PKD2L1: variants seen among roughly 807,000 people sequenced by gnomAD.
PKD2L1 encodes the protein polycystin-2-like protein 1.
A neutral mutation model predicts 93.0 loss-of-function variants in PKD2L1; 77 were observed. The ratio of observed to expected loss-of-function variants is 0.83; its 90% CI spans 0.69 to 1.00. The LOEUF (loss-of-function observed/expected upper bound fraction) is 1.00. PKD2L1 is among the 50% of genes least tolerant of loss of function. PKD2L1 has a pLI of 0.00. For missense variants in PKD2L1, 977 were observed against 990.9 expected, an observed-to-expected ratio of 0.99 and a Z score of 0.19; for synonymous variants, 390 against 388.0, an observed-to-expected ratio of 1.01 and a Z score of -0.06.
At chr10:100,299,024 C>T (rs993422401) in intron 3 of PKD2L1, among the ~76,000 whole-genome samples, 3 of 151,778 alleles carry the variant, frequency 2.0e-5, no homozygotes, top group African/African-American at 4.8e-5. Context: ...CTCGGCTCAC[C>T]GCAACCTCTG....
chr10:100,326,518 C>T (rs1016307377), intron 2 of PKD2L1, among the ~76,000 whole-genome samples: 15 of 152,206 alleles, frequency 9.9e-5, no homozygotes, highest in Non-Finnish European at 1.9e-4. Flanking sequence ...TCACAGATCC[C>T]CCAAATCTGG....
At chr10:100,299,025 G>A (rs111737991) in intron 3 of PKD2L1, among the ~76,000 whole-genome samples, 8 of 105,220 alleles carry the variant, frequency 7.6e-5, no homozygotes, top group Non-Finnish European at 1.3e-4. Flanking sequence ...TCGGCTCACC[G>A]CAACCTCTGC....
chr10:100,290,337 C>T, intron 13 of PKD2L1, 64 bp downstream of exon 13: 2 of 1,307,002 alleles, frequency 1.5e-6, no homozygotes, highest in South Asian at 2.4e-5. Context: ...GGGAAAAGTA[C>T]AAGACAGGGT....
chr10:100,302,236 TACAC>T (rs371466280), intron 2 of PKD2L1, among the ~76,000 whole-genome samples: 1 of 120,572 alleles, frequency 8.3e-6, no homozygotes, highest in Non-Finnish European at 1.7e-5. Flanking sequence ...TATTCATGCA[TACAC>T]ACACACACAC....
chr10:100,305,231 G>A (rs924419681), intron 2 of PKD2L1, among the ~76,000 whole-genome samples: 2 of 151,470 alleles, frequency 1.3e-5, no homozygotes, highest in Non-Finnish European at 2.9e-5. Context: ...CCTGCCTCAG[G>A]CTCCTGAGTA....
chr10:100,293,093 C>T (rs762034309), intron 10 of PKD2L1, 24 bp from the exon 11 acceptor site: 2 of 1,610,422 alleles, frequency 1.2e-6, no homozygotes, highest in Non-Finnish European at 1.7e-6. Flanking sequence ...GAAATAGGCA[C>T]AAGTTCTCAC....
Position 100,295,073 on chromosome 10 carries a change from C to T in PKD2L1, c.1407G>A (p.Thr469=), listed in dbSNP as rs531470373. 116 of 1,614,038 alleles carry T rather than the reference C, an allele frequency of 7.2e-5. No individual in the cohort carries two copies. Among genetic ancestry groups the T allele is most frequent in the East Asian group, 2.7e-4 (12 of 44,888 alleles). The change falls in exon 8 of 16, where the codon ACG becomes ACA. Residue 469 remains threonine, a synonymous_variant. Coordinates refer to ENST00000318222, the MANE Select transcript of PKD2L1 (RefSeq NM_016112.3). ...FNKTMTQLSS[T]LARCAKDILG... is the part of the protein sequence containing the mutation. ...GGATGTCCTTGGCACAGCGGGCCAG[C>T]GTGGAGGAGAGCTGGGTCATGGTTT... is the stretch of plus-strand genomic sequence containing the variant.
rs767975825 is a variant in PKD2L1 at position 100,298,589 on chromosome 10, AGTT to A, written c.701_703del (p.Gln234del). 22 of 1,613,944 alleles carry A rather than the reference AGTT, an allele frequency of 1.4e-5. No homozygotes were observed. The African/African-American group carries it at 2.8e-4, about 21-fold the overall frequency. ...TGTGCCATTGAAGGGCCCAAAGGGGAGTTGTTCTTCTTTGTCTGGAGAGTAGAC... is the reference window on the plus strand; with the variant it reads ...TGTGCCATTGAAGGGCCCAAAGGGGAGTTCTTCTTTGTCTGGAGAGTAGAC... On this transcript the variant is annotated inframe_deletion, in exon 4 of 16. Coordinates refer to ENST00000318222, the MANE Select transcript of PKD2L1 (RefSeq NM_016112.3).
chr10:100,309,025 C>A (rs1382223247), intron 2 of PKD2L1, among the ~76,000 whole-genome samples: 5 of 152,034 alleles, frequency 3.3e-5, no homozygotes, highest in Admixed American at 6.6e-5. Flanking sequence ...CATATGCTGA[C>A]ACAGATAAGT....
chr10:100,288,321 T>TC lies in PKD2L1; in HGVS notation c.*74dup. The TC allele has an allele frequency of 1.1e-6, 1 of 918,452 alleles. No homozygotes were observed. Among genetic ancestry groups the TC allele is most frequent in the Non-Finnish European group, 1.8e-6 (1 of 551,008 alleles). The allele number at this position is 918,452 out of a possible 1,614,324, so 56.9% of individuals were successfully genotyped here. A position where few individuals can be genotyped will look rare whatever the true frequency, so the allele number is the denominator to read the frequency against. Reference sequence around the variant, plus strand: ...TCTCCTGGTTAAAGCCCACTCAGTTTCCAGGTTCAGTGGACCAGGAGGCAG... The same window carrying TC: ...TCTCCTGGTTAAAGCCCACTCAGTTTCCCAGGTTCAGTGGACCAGGAGGCAG... On this transcript the variant is annotated 3_prime_UTR_variant, in exon 16 of 16. Transcript: ENST00000318222.
chr10:100,290,271 G>T, intron 13 of PKD2L1, 130 bp downstream of exon 13: 1 of 1,321,842 alleles, frequency 7.6e-7, no homozygotes, highest in South Asian at 1.3e-5. Context: ...CTTGTAGGCA[G>T]AATTAAAGGG....
In PKD2L1 at chr10:100,299,595, C is replaced by T. The variant is rs1177723608; in HGVS notation, c.473G>A (p.Trp158Ter). ...FQAISSMADF[W>*]DFAQGPLLDS... is the part of the protein sequence containing the mutation. ...TAGAAAAGATCTTATACTCACATCC[C>T]AGAAGTCCGCCATGCTGCTGATGGC... Residue 158 changes from tryptophan to a stop codon, truncating the protein, a stop_gained, in exon 3 of 16, where the codon TGG becomes TAG. Coordinates refer to ENST00000318222, the MANE Select transcript of PKD2L1 (RefSeq NM_016112.3). LOFTEE classifies it high-confidence loss of function. 2.5e-6 allele frequency: 4 copies of T among 1,613,958 alleles called. No individual in the cohort carries two copies. Among genetic ancestry groups the T allele is most frequent in the Non-Finnish European group, 2.5e-6 (3 of 1,179,856 alleles).
chr10:100,298,858 AC>A (rs1410884675), intron 3 of PKD2L1, 43 bp from the exon 4 acceptor site: 3 of 1,574,232 alleles, frequency 1.9e-6, no homozygotes, highest in Admixed American at 1.8e-5. Flanking sequence ...CCTCCTCCTG[AC>A]CCCCTACCTT....
chr10:100,289,431 T>C (rs1463953675), intron 14 of PKD2L1, among the ~76,000 whole-genome samples: 3 of 152,076 alleles, frequency 2.0e-5, no homozygotes, highest in African/African-American at 7.2e-5. Context: ...CCCAGCTACT[T>C]GGGAGGCTGA....
In PKD2L1 at chr10:100,298,833, T is replaced by C. The variant is rs976287483; in HGVS notation, c.478-18A>G. The C allele has an allele frequency of 1.2e-6, 2 of 1,602,660 alleles. No homozygotes were observed. Among genetic ancestry groups the C allele is most frequent in the South Asian group, 2.2e-5 (2 of 90,328 alleles). The stretch of plus-strand genomic sequence containing the variant: ...TGGGCAAACTGAACCACAAGCTGGC[T>C]TGAACCTTACCCAGCCTCCTCCTGA... On this transcript the variant is annotated intron_variant, in intron 3 of 15. Coordinates refer to ENST00000318222, the MANE Select transcript of PKD2L1 (RefSeq NM_016112.3).
intron 1 of PKD2L1, 121 bp downstream of exon 1, chr10:100,329,748 A>G: frequency 1.4e-6 from 1 of 703,526 alleles, no homozygotes; most frequent in Non-Finnish European, 2.4e-6. Flanking sequence ...ATACACCCCA[A>G]AGTGACACCG....
At chr10:100,310,208 T>C (rs967578441) in intron 2 of PKD2L1, among the ~76,000 whole-genome samples, 3 of 151,998 alleles carry the variant, frequency 2.0e-5, no homozygotes, top group African/African-American at 7.3e-5. Context: ...GTGGCACACA[T>C]CTGTAGCCCC....
intron 2 of PKD2L1, among the ~76,000 whole-genome samples, chr10:100,320,349 G>C (rs1157437017): frequency 6.6e-6 from 1 of 152,310 alleles, no homozygotes; most frequent in East Asian, 1.9e-4. Flanking sequence ...ATTCCAAATA[G>C]TCTTGGATTA....
intron 6 of PKD2L1, among the ~76,000 whole-genome samples, 183 bp downstream of exon 6, chr10:100,296,797 G>C (rs1000319353): frequency 1.3e-5 from 2 of 152,002 alleles, no homozygotes; most frequent in African/African-American, 4.8e-5. Context: ...GTGAGAGACA[G>C]GGTTTCCCAA....
Sources: gnomAD v4.1 joint callset for allele counts (sites outside exome capture counted in the v4.1 genomes callset) on GRCh38, gnomAD v4.1.1 for gene constraint, MANE v1.5 for transcripts, NCBI Gene and HGNC (gene_info 2026-07-23, HGNC 2026-07-21) for gene names.